COLEC10: variants seen among roughly 807,000 people sequenced by gnomAD.
The protein encoded by COLEC10 is collectin-10.
COLEC10 carries 22 observed loss-of-function variants against 28.4 expected under a neutral mutation model. The observed-to-expected ratio is 0.78, with a 90% CI of 0.55 to 1.11. COLEC10 has a LOEUF of 1.11. Ranked by LOEUF, COLEC10 falls within the 50% of genes least tolerant of loss-of-function variation. The pLI is 0.00. For synonymous variants in COLEC10, 125 were observed against 116.1 expected (o/e 1.08, Z -0.49); for missense variants, 361 against 344.1 (o/e 1.05, Z -0.39).
intron 2 of COLEC10, among the ~76,000 whole-genome samples, chr8:119,043,007 T>C (rs138949101): frequency 6.6e-6 from 1 of 152,278 alleles, no homozygotes; most frequent in East Asian, 1.9e-4. Flanking sequence ...TCTCCCAGGC[T>C]CAGCCAGATG....
the COLEC10 span, among the ~76,000 whole-genome samples, chr8:118,974,746 A>G: frequency 1.8e-3 from 273 of 152,224 alleles, 2 homozygotes; most frequent in African/African-American, 6.2e-3. Flanking sequence ...ATGATGTTTT[A>G]TCGAAGAAGT....
At chr8:118,987,549 G>T in the COLEC10 span, among the ~76,000 whole-genome samples, 4 of 152,206 alleles carry the variant, frequency 2.6e-5, no homozygotes, top group Middle Eastern at 3.4e-3. Flanking sequence ...GGGAAACGGG[G>T]TGATAATCTG....
intron 2 of COLEC10, 90 bp downstream of exon 2, chr8:119,089,841 T>C: frequency 1.0e-6 from 1 of 988,230 alleles, no homozygotes; most frequent in Non-Finnish European, 1.6e-6. Flanking sequence ...GCAGCTTTCA[T>C]AATGCCCTCT....
At chr8:118,982,232 A>G in the COLEC10 span, among the ~76,000 whole-genome samples, 6 of 151,996 alleles carry the variant, frequency 3.9e-5, no homozygotes, top group Admixed American at 1.3e-4. Flanking sequence ...TTAATGCTAC[A>G]CCTACCTCCC....
intron 1 of COLEC10, among the ~76,000 whole-genome samples, chr8:119,074,578 C>T (rs1324426345): frequency 6.6e-6 from 1 of 152,176 alleles, no homozygotes; most frequent in Non-Finnish European, 1.5e-5. Flanking sequence ...GCTCTCTCCC[C>T]CATTCCTAAA....
chr8:119,016,708 T>C (rs1563717784), intron 2 of COLEC10, among the ~76,000 whole-genome samples: 1 of 152,046 alleles, frequency 6.6e-6, no homozygotes, highest in East Asian at 1.9e-4. Context: ...TTTTTGTTTC[T>C]TTGGTTGGTT....
chr8:119,088,377 A>G (rs574264598), intron 1 of COLEC10, among the ~76,000 whole-genome samples: 131 of 152,242 alleles, frequency 8.6e-4, no homozygotes, highest in Middle Eastern at 3.4e-3. Flanking sequence ...CTTGTAAAGT[A>G]TTTCAATGTT....
At chr8:119,102,538 G>A (rs1053552671) in intron 4 of COLEC10, 137 bp downstream of exon 4, 4 of 683,090 alleles carry the variant, frequency 5.9e-6, no homozygotes, top group African/African-American at 5.6e-5. Flanking sequence ...TAGAAGAAAG[G>A]GAAGAAGGGG....
At chr8:119,102,300 C>CTTTTATTTTAA (rs544427079) in intron 3 of COLEC10, 48 bp from the exon 4 acceptor site, 97,927 of 979,502 alleles carry the variant, frequency 0.1, 5,349 homozygotes, top group Middle Eastern at 0.15. Context: ...TTCCTTTCTT[C>CTTTTATTTTAA]TTTTATTTTA....
At chr8:119,066,538 A>T (rs1258120974), upstream of COLEC10, among the ~76,000 whole-genome samples, 1 of 152,194 alleles carries the variant, frequency 6.6e-6, no homozygotes, top group East Asian at 1.9e-4. Flanking sequence ...CACTGTTAAC[A>T]CGTTGTTAGG....
chr8:119,055,130 T>C lies in COLEC10; in HGVS notation n.236-34550T>C, dbSNP rs1168671744. On this transcript the variant is annotated intron_variant and non_coding_transcript_variant, in intron 2 of 6. Coordinates refer to the COLEC10 transcript ENST00000521788. ...AAAGCAGAAAACATTTTCCCAGGAATGGATTGTATTCTGTTTTATCAGTTC... is the reference window on the plus strand; with the variant it reads ...AAAGCAGAAAACATTTTCCCAGGAACGGATTGTATTCTGTTTTATCAGTTC... Among the ~76,000 whole-genome samples the C allele has an allele frequency of 1.3e-5, 2 of 152,118 alleles. 1 individual carries two copies. The highest frequency in any genetic ancestry group is 1.3e-4 in the Admixed American group (2 of 15,242).
chr8:118,992,005 T>G (rs954865771), upstream of COLEC10, among the ~76,000 whole-genome samples: 34 of 152,194 alleles, frequency 2.2e-4, no homozygotes, highest in East Asian at 5.8e-4. Context: ...CAGCATGATT[T>G]TAAAGCTAGA....
chr8:118,973,104 T>C, the COLEC10 span, among the ~76,000 whole-genome samples: 2 of 152,082 alleles, frequency 1.3e-5, no homozygotes, highest in South Asian at 4.1e-4. Flanking sequence ...AGATGAGATT[T>C]GGGTGAGGAC....
intron 2 of COLEC10, among the ~76,000 whole-genome samples, chr8:119,050,153 C>T (rs1814652316): frequency 1.3e-5 from 2 of 152,258 alleles, no homozygotes; most frequent in African/African-American, 4.8e-5. Flanking sequence ...TTCCCTAGTA[C>T]TTCATAAGTT....
intron 3 of COLEC10, among the ~76,000 whole-genome samples, chr8:119,093,252 C>T (rs1410259349): frequency 6.6e-6 from 1 of 152,190 alleles, no homozygotes; most frequent in East Asian, 1.9e-4. Flanking sequence ...AGGCTGTGGC[C>T]TCTCTCTTCT....
At chr8:119,058,965 T>A (rs1814808622) in intron 2 of COLEC10, among the ~76,000 whole-genome samples, 1 of 152,060 alleles carries the variant, frequency 6.6e-6, no homozygotes, top group Non-Finnish European at 1.5e-5. Context: ...GTCTTACCTA[T>A]ATATAGTGAT....
At chr8:118,966,535 A>C in the COLEC10 span, among the ~76,000 whole-genome samples, 3 of 152,136 alleles carry the variant, frequency 2.0e-5, no homozygotes, top group Non-Finnish European at 4.4e-5. Context: ...TGATCCTTTG[A>C]AATATCTTTT....
Position 119,106,048 on chromosome 8 carries a change from T to C in COLEC10, c.691T>C (p.Tyr231His). ...CACAGACAACACTCCACTGCAGAAC[T>C]ATAGCAACTGGAATGAGGGGGAACC... ...MFTDNTPLQN[Y>H]SNWNEGEPSD... Residue 231 changes from tyrosine to histidine, a missense_variant, in exon 6 of 6, where the codon TAT becomes CAT. Around this residue, in one of 3 missense-constraint regions of COLEC10, gnomAD observed 335 missense variants for 308.5 expected, o/e 1.09. Transcript: ENST00000332843. 1 of 1,613,836 alleles carries C rather than the reference T, an allele frequency of 6.2e-7. No individual in the cohort carries two copies. The highest frequency in any genetic ancestry group is 8.5e-7 in the Non-Finnish European group (1 of 1,179,876).
the COLEC10 span, among the ~76,000 whole-genome samples, chr8:118,989,260 G>A: frequency 3.9e-5 from 6 of 152,042 alleles, no homozygotes; most frequent in Non-Finnish European, 5.9e-5. Flanking sequence ...CTGAGAACAG[G>A]ATCAGTGAAC....
Sources: allele counts gnomAD v4.1 joint callset (sites outside exome capture counted in the v4.1 genomes callset), GRCh38; gene constraint gnomAD v4.1.1; regional missense constraint gnomAD v4.1.1; transcripts MANE v1.5; gene names NCBI Gene and HGNC (gene_info 2026-07-23, HGNC 2026-07-21).